PLCXD3: variants seen among roughly 807,000 people sequenced by gnomAD.
PLCXD3 encodes phosphatidylinositol specific phospholipase C X domain containing 3, also known as PI-PLC X domain-containing protein 3.
A neutral mutation model predicts 25.5 loss-of-function variants in PLCXD3; 19 were observed. The ratio of observed to expected loss-of-function variants is 0.75; its 90% CI spans 0.52 to 1.09. The LOEUF (loss-of-function observed/expected upper bound fraction) is 1.09, where lower values mean the gene tolerates loss of function less well. Ranked by LOEUF, PLCXD3 falls within the 50% of genes least tolerant of loss-of-function variation. The pLI, the probability that PLCXD3 is intolerant of heterozygous loss-of-function variation, is 0.00. For synonymous variants in PLCXD3, 174 were observed against 137.6 expected, an observed-to-expected ratio of 1.26 and a Z score of -1.85; for missense variants, 411 against 388.1, an observed-to-expected ratio of 1.06 and a Z score of -0.50.
At chr5:41,482,818 A>C (rs1748441471) in intron 1 of PLCXD3, among the ~76,000 whole-genome samples, 1 of 152,150 alleles carries the variant, frequency 6.6e-6, no homozygotes, top group Admixed American at 6.5e-5. Context: ...CATCTTAACA[A>C]TTTTTAAGTG....
chr5:41,471,290 C>T (rs933876624), intron 1 of PLCXD3, among the ~76,000 whole-genome samples: 2 of 152,174 alleles, frequency 1.3e-5, no homozygotes, highest in Admixed American at 1.3e-4. Flanking sequence ...GCCAATGCCA[C>T]CTTTCCTTCA....
chr5:41,367,561 T>C (rs1744972484), intron 2 of PLCXD3, among the ~76,000 whole-genome samples: 4 of 152,204 alleles, frequency 2.6e-5, no homozygotes, highest in Admixed American at 1.3e-4. Context: ...GAAGGATAGA[T>C]TGCAAAACTT....
At chr5:41,434,232 C>T (rs1050057722) in intron 1 of PLCXD3, among the ~76,000 whole-genome samples, 1 of 152,190 alleles carries the variant, frequency 6.6e-6, no homozygotes, top group Non-Finnish European at 1.5e-5. Flanking sequence ...CTGGGTTTGA[C>T]TTCTGCGTGT....
intron 1 of PLCXD3, among the ~76,000 whole-genome samples, chr5:41,404,678 C>T (rs1244441340): frequency 1.3e-5 from 2 of 152,092 alleles, no homozygotes; most frequent in Non-Finnish European, 2.9e-5. Context: ...ATGAATCTTT[C>T]TCCATTTAAT....
intron 1 of PLCXD3, among the ~76,000 whole-genome samples, chr5:41,486,320 CT>C (rs1380652334): frequency 1.3e-5 from 2 of 152,036 alleles, no homozygotes; most frequent in East Asian, 3.9e-4. Flanking sequence ...ATCGTCCCCC[CT>C]GGATAAGGAT....
intron 1 of PLCXD3, among the ~76,000 whole-genome samples, chr5:41,418,371 G>T (rs1341602880): frequency 6.6e-6 from 1 of 152,138 alleles, no homozygotes; most frequent in Non-Finnish European, 1.5e-5. Context: ...ACACCCTGGG[G>T]TCTGCTCTCC....
intron 1 of PLCXD3, among the ~76,000 whole-genome samples, chr5:41,441,743 G>C (rs184900814): frequency 6.6e-6 from 1 of 152,306 alleles, no homozygotes; most frequent in Admixed American, 6.5e-5. Context: ...ATTCTGCCAA[G>C]TGAACATAAA....
intron 1 of PLCXD3, among the ~76,000 whole-genome samples, chr5:41,489,730 CTGTT>C (rs1208122652): frequency 6.6e-6 from 1 of 152,046 alleles, no homozygotes; most frequent in Non-Finnish European, 1.5e-5. Context: ...ATTTGGCTCT[CTGTT>C]TGTCTGTTAT....
intron 1 of PLCXD3, among the ~76,000 whole-genome samples, chr5:41,491,969 C>G (rs1748708411): frequency 6.6e-6 from 1 of 152,114 alleles, no homozygotes; most frequent in Non-Finnish European, 1.5e-5. Context: ...GAATTTGATC[C>G]TGTCATTATG....
At chr5:41,454,803 T>C (rs529928418) in intron 1 of PLCXD3, among the ~76,000 whole-genome samples, 2 of 152,058 alleles carry the variant, frequency 1.3e-5, no homozygotes, top group East Asian at 3.9e-4. Flanking sequence ...AAACCAATTG[T>C]ATTAGTCTGT....
At chr5:41,335,431 G>T (rs1269747149) in intron 2 of PLCXD3, among the ~76,000 whole-genome samples, 1 of 152,114 alleles carries the variant, frequency 6.6e-6, no homozygotes, top group Non-Finnish European at 1.5e-5. Flanking sequence ...ATAGTCACAT[G>T]AGTTAACAAA....
At chr5:41,412,148 A>T (rs1365992773) in intron 1 of PLCXD3, among the ~76,000 whole-genome samples, 2 of 151,986 alleles carry the variant, frequency 1.3e-5, no homozygotes, top group Non-Finnish European at 2.9e-5. Context: ...TTTAGACTGG[A>T]TTCAAATCGT....
chr5:41,340,601 G>A (rs76947339), intron 2 of PLCXD3, among the ~76,000 whole-genome samples: 2,622 of 152,170 alleles, frequency 0.017, 91 homozygotes, highest in African/African-American at 0.061. Flanking sequence ...GCGTGCATCC[G>A]TTGCTCATCA....
chr5:41,325,292 C>A (rs1422067476), intron 2 of PLCXD3, among the ~76,000 whole-genome samples: 1 of 152,118 alleles, frequency 6.6e-6, no homozygotes, highest in Admixed American at 6.5e-5. Context: ...ATACCAGAGA[C>A]AAAACAAGCA....
chr5:41,406,925 T>A (rs1194862262), intron 1 of PLCXD3, among the ~76,000 whole-genome samples: 1 of 152,136 alleles, frequency 6.6e-6, no homozygotes, highest in Non-Finnish European at 1.5e-5. Context: ...TGGTAATGTA[T>A]TTAGCATTCA....
intron 1 of PLCXD3, among the ~76,000 whole-genome samples, chr5:41,404,645 C>T (rs1452016919): frequency 2.0e-5 from 3 of 152,186 alleles, no homozygotes; most frequent in African/African-American, 7.2e-5. Flanking sequence ...ATTAATAAAA[C>T]TTGTATATGA....
intron 1 of PLCXD3, among the ~76,000 whole-genome samples, chr5:41,468,067 G>T (rs1160633615): frequency 7.8e-6 from 1 of 128,048 alleles, no homozygotes; most frequent in African/African-American, 2.9e-5. Context: ...ACCCAGGCTG[G>T]AGTGCAATTG....
intron 1 of PLCXD3, among the ~76,000 whole-genome samples, chr5:41,507,561 C>G (rs977128993): frequency 6.6e-6 from 1 of 152,120 alleles, no homozygotes; most frequent in African/African-American, 2.4e-5. Context: ...TTAAAGACAC[C>G]GGAACTGTGC....
intron 1 of PLCXD3, among the ~76,000 whole-genome samples, chr5:41,444,544 T>G (rs1358356634): frequency 6.6e-6 from 1 of 152,144 alleles, no homozygotes; most frequent in Non-Finnish European, 1.5e-5. Context: ...TCTTATTTTG[T>G]CCCCACCACT....
Sources: gnomAD v4.1 joint callset for allele counts (sites outside exome capture counted in the v4.1 genomes callset) on GRCh38, gnomAD v4.1.1 for gene constraint, MANE v1.5 for transcripts, NCBI Gene and HGNC (gene_info 2026-07-23, HGNC 2026-07-21) for gene names.